MACROD2: variants seen among roughly 807,000 people sequenced by gnomAD.
The protein encoded by MACROD2 is ADP-ribose glycohydrolase MACROD2.
In MACROD2, 36 loss-of-function variants were observed where a neutral mutation model predicts 70.4. That is an observed-to-expected ratio of 0.51 (90% CI 0.39 to 0.68). The LOEUF (loss-of-function observed/expected upper bound fraction) is 0.68. Among genes scored for constraint, MACROD2 ranks in the 30% least tolerant of loss-of-function variants. The pLI is 0.00. For missense variants in MACROD2, 496 were observed against 538.4 expected (o/e 0.92, Z 0.78); for synonymous variants, 172 against 178.8 (o/e 0.96, Z 0.30).
intron 4 of MACROD2, among the ~76,000 whole-genome samples, chr20:14,607,415 G>A (rs1175778048): frequency 6.6e-6 from 1 of 152,130 alleles, no homozygotes; most frequent in Non-Finnish European, 1.5e-5. Flanking sequence ...GCATAGGGAG[G>A]TAGCCAAGGA....
intron 5 of MACROD2, among the ~76,000 whole-genome samples, chr20:14,989,984 T>C (rs564609691): frequency 8.7e-4 from 132 of 152,288 alleles, no homozygotes; most frequent in African/African-American, 3.0e-3. Flanking sequence ...CTGTGGTTTC[T>C]CTGGGGATCT....
intron 6 of MACROD2, among the ~76,000 whole-genome samples, chr20:15,286,938 C>G (rs547916804): frequency 3.9e-4 from 60 of 152,098 alleles, no homozygotes; most frequent in Non-Finnish European, 7.2e-4. Flanking sequence ...AGAGTGAACT[C>G]TCCCTAAAAT....
At chr20:15,208,609 G>C (rs2076732174) in intron 5 of MACROD2, among the ~76,000 whole-genome samples, 1 of 152,190 alleles carries the variant, frequency 6.6e-6, no homozygotes, top group African/African-American at 2.4e-5. Flanking sequence ...CCATGTTGTA[G>C]GGGTGAAGGT....
intron 4 of MACROD2, among the ~76,000 whole-genome samples, chr20:14,510,687 T>G (rs2085019902): frequency 6.6e-6 from 1 of 152,142 alleles, no homozygotes; most frequent in East Asian, 1.9e-4. Context: ...TATCTTCATC[T>G]GACTCTCTAT....
intron 5 of MACROD2, among the ~76,000 whole-genome samples, chr20:15,167,509 G>C (rs1406293102): frequency 6.6e-6 from 1 of 152,124 alleles, no homozygotes; most frequent in East Asian, 1.9e-4. Context: ...TAGGAAGTTA[G>C]AGGTTTACAT....
At chr20:15,772,873 T>A (rs1215022974) in intron 8 of MACROD2, among the ~76,000 whole-genome samples, 1 of 152,134 alleles carries the variant, frequency 6.6e-6, no homozygotes, top group Non-Finnish European at 1.5e-5. Context: ...AAATTAAGCA[T>A]TGAAAACAGA....
At chr20:14,389,600 G>A (rs2083506313) in intron 3 of MACROD2, among the ~76,000 whole-genome samples, 1 of 152,086 alleles carries the variant, frequency 6.6e-6, no homozygotes, top group African/African-American at 2.4e-5. Context: ...TGAGCTCAAT[G>A]CAGGGGCAAC....
At chr20:15,946,665 A>G (rs912753116) in intron 12 of MACROD2, among the ~76,000 whole-genome samples, 4 of 152,212 alleles carry the variant, frequency 2.6e-5, no homozygotes, top group African/African-American at 9.6e-5. Flanking sequence ...ACAAAGCTCA[A>G]TGCAGGGGGC....
chr20:15,801,299 A>C (rs1340859969), intron 8 of MACROD2, among the ~76,000 whole-genome samples: 3 of 151,812 alleles, frequency 2.0e-5, no homozygotes, highest in African/African-American at 7.3e-5. Context: ...GTAATGTACA[A>C]GTTGTGGTCT....
At chr20:15,151,267 C>T (rs1620686) in intron 5 of MACROD2, among the ~76,000 whole-genome samples, 89,352 of 151,796 alleles carry the variant, frequency 0.59, 26,531 homozygotes, top group East Asian at 0.65. Flanking sequence ...TTCCTTGGCC[C>T]GATGGCCAGA....
chr20:15,862,836 G>C lies in MACROD2; in HGVS notation c.727+10G>C, dbSNP rs747683832. 1.1e-5 allele frequency: 17 copies of C among 1,586,712 alleles called. 1 individual carries two copies. The South Asian group carries it at 1.9e-4, about 18-fold the overall frequency. On this transcript the variant is annotated intron_variant, in intron 9 of 17. Coordinates refer to ENST00000684519, the MANE Select transcript of MACROD2 (RefSeq NM_001351661.2). Reference sequence around the variant, plus strand: ...GAGTTTTTCTCCGTAGGTGAGTAAAGCAACTTCTTGTTTTCTTTCAAATTG... The same window carrying C: ...GAGTTTTTCTCCGTAGGTGAGTAAACCAACTTCTTGTTTTCTTTCAAATTG...
chr20:14,960,155 CATCA>C (rs1241110310), intron 5 of MACROD2, among the ~76,000 whole-genome samples: 1 of 152,182 alleles, frequency 6.6e-6, no homozygotes, highest in Non-Finnish European at 1.5e-5. Flanking sequence ...TCAATTTACA[CATCA>C]ATCTGTCTAA....
intron 5 of MACROD2, among the ~76,000 whole-genome samples, chr20:15,014,764 G>T (rs187852039): frequency 3.7e-4 from 56 of 152,118 alleles, no homozygotes; most frequent in African/African-American, 1.3e-3. Context: ...AGAAATCTAA[G>T]CTACCTCAGT....
chr20:14,391,173 G>A (rs533817331), intron 3 of MACROD2, among the ~76,000 whole-genome samples: 5 of 152,294 alleles, frequency 3.3e-5, no homozygotes, highest in Admixed American at 2.6e-4. Flanking sequence ...ACATGCACAT[G>A]TATGTTCATT....
intron 4 of MACROD2, among the ~76,000 whole-genome samples, chr20:14,546,759 A>C (rs2085495316): frequency 6.6e-6 from 1 of 152,142 alleles, no homozygotes; most frequent in Non-Finnish European, 1.5e-5. Flanking sequence ...CCATAGGGTC[A>C]TAATTATACT....
At chr20:14,851,706 T>C (rs1272969715) in intron 5 of MACROD2, among the ~76,000 whole-genome samples, 1 of 152,208 alleles carries the variant, frequency 6.6e-6, no homozygotes, top group Non-Finnish European at 1.5e-5. Flanking sequence ...TGGCAAGTAC[T>C]ATCATGTAAG....
intron 8 of MACROD2, among the ~76,000 whole-genome samples, chr20:15,737,881 T>TGGAC (rs2051046850): frequency 6.6e-6 from 1 of 151,514 alleles, no homozygotes; most frequent in South Asian, 2.1e-4. Flanking sequence ...GATGGATGGA[T>TGGAC]GGATGGATGA....
chr20:14,037,104 G>C (rs1414973706), intron 2 of MACROD2, among the ~76,000 whole-genome samples: 1 of 152,092 alleles, frequency 6.6e-6, no homozygotes, highest in Non-Finnish European at 1.5e-5. Flanking sequence ...TGACCAAAAT[G>C]TAACTTTTAT....
intron 3 of MACROD2, among the ~76,000 whole-genome samples, chr20:14,418,271 A>G (rs902596645): frequency 3.9e-4 from 60 of 152,246 alleles, no homozygotes; most frequent in African/African-American, 1.4e-3. Flanking sequence ...TTGTTAATTC[A>G]TAGCACAGGC....
Sources: gnomAD v4.1 joint callset for allele counts (sites outside exome capture counted in the v4.1 genomes callset) on GRCh38, gnomAD v4.1.1 for gene constraint, MANE v1.5 for transcripts, NCBI Gene and HGNC (gene_info 2026-07-23, HGNC 2026-07-21) for gene names.